Variants in POT1 observed in about 807,000 individuals in gnomAD.
The protein encoded by POT1 is protection of telomeres 1.
In POT1, 47 loss-of-function variants were observed where a neutral mutation model predicts 78.5. The observed-to-expected ratio is 0.60, with a 90% confidence interval of 0.47 to 0.76. The LOEUF is 0.76. Among genes scored for constraint, POT1 ranks in the 30% least tolerant of loss-of-function variants. The pLI is 0.00. For missense variants in POT1, 646 were observed against 749.9 expected (o/e 0.86, Z 1.62); for synonymous variants, 259 against 260.7 (o/e 0.99, Z 0.06).
At chr7:124,861,240 C>T (rs1026515174) in intron 8 of POT1, among the ~76,000 whole-genome samples, 1 of 152,178 alleles carries the variant, frequency 6.6e-6, no homozygotes, top group Non-Finnish European at 1.5e-5. Context: ...AAAAGCGCTC[C>T]TTTTTCTCCA....
intron 11 of POT1, among the ~76,000 whole-genome samples, chr7:124,847,571 T>C (rs1383544498): frequency 1.3e-5 from 2 of 152,170 alleles, no homozygotes; most frequent in Admixed American, 6.5e-5. Flanking sequence ...TATGTGGAAG[T>C]GCAGAAAATC....
intron 7 of POT1, among the ~76,000 whole-genome samples, chr7:124,866,869 G>A (rs1350165798): frequency 2.0e-5 from 3 of 152,140 alleles, no homozygotes; most frequent in Admixed American, 6.6e-5. Context: ...ACAGAAGTTC[G>A]CTCTGCAGAT....
At chr7:124,907,275 C>T (rs1280951887) in intron 3 of POT1, among the ~76,000 whole-genome samples, 1 of 152,096 alleles carries the variant, frequency 6.6e-6, no homozygotes, top group Non-Finnish European at 1.5e-5. Flanking sequence ...CATTGCCTTA[C>T]AAAGAGTGAG....
intron 10 of POT1, among the ~76,000 whole-genome samples, chr7:124,852,258 GA>G (rs1795329173): frequency 6.6e-6 from 1 of 152,044 alleles, no homozygotes; most frequent in South Asian, 2.1e-4. Context: ...AGCTAAATAT[GA>G]TATTAAAAAT....
At chr7:124,905,181 T>G (rs1796732613) in intron 3 of POT1, among the ~76,000 whole-genome samples, 1 of 152,132 alleles carries the variant, frequency 6.6e-6, no homozygotes, top group Admixed American at 6.5e-5. Flanking sequence ...AAGACAATCT[T>G]AAGCAAAAAG....
intron 2 of POT1, among the ~76,000 whole-genome samples, chr7:124,917,285 T>C (rs540157295): frequency 6.6e-6 from 1 of 152,228 alleles, no homozygotes; most frequent in East Asian, 1.9e-4. Context: ...GAGGAGATCT[T>C]ATTTGAGGCA....
chr7:124,904,340 C>T (rs1450576924), intron 3 of POT1, among the ~76,000 whole-genome samples: 3 of 152,158 alleles, frequency 2.0e-5, no homozygotes, highest in Non-Finnish European at 2.9e-5. Flanking sequence ...GCTGGTTCAA[C>T]ATACACAAAT....
chr7:124,831,617 G>A (rs912114670), intron 15 of POT1, among the ~76,000 whole-genome samples: 2 of 151,984 alleles, frequency 1.3e-5, no homozygotes, highest in African/African-American at 4.8e-5. Flanking sequence ...CTTCATTATG[G>A]TCTGTAAATG....
intron 7 of POT1, among the ~76,000 whole-genome samples, chr7:124,865,228 A>C (rs1158916291): frequency 2.0e-5 from 3 of 152,034 alleles, no homozygotes; most frequent in Non-Finnish European, 4.4e-5. Flanking sequence ...AGTTGATTTC[A>C]AGATTTTTCT....
At position 124,863,656 on chromosome 7, in the gene POT1, A is replaced by G. The variant is rs1393767375; in HGVS notation, c.256-16T>C. 1.3e-6 allele frequency: 2 copies of G among 1,583,208 alleles called. No individual in the cohort carries two copies. The highest frequency in any genetic ancestry group is 1.4e-5 in the African/African-American group (1 of 73,526). On this transcript the variant is annotated splice_polypyrimidine_tract_variant and intron_variant, in intron 7 of 18. Coordinates refer to ENST00000357628, the MANE Select transcript of POT1 (RefSeq NM_015450.3). Reference sequence around the variant, plus strand: ...ATACTTGAATCTAAGAAAGTAGGGCAAAGTAGAAAACAGATACAAATAAAA... The same window carrying G: ...ATACTTGAATCTAAGAAAGTAGGGCGAAGTAGAAAACAGATACAAATAAAA...
intron 2 of POT1, among the ~76,000 whole-genome samples, chr7:124,917,185 C>T (rs1797034158): frequency 6.6e-6 from 1 of 152,102 alleles, no homozygotes; most frequent in South Asian, 2.1e-4. Context: ...CAGGCTTCAT[C>T]AGAACAGAGA....
intron 14 of POT1, among the ~76,000 whole-genome samples, chr7:124,838,532 AAGAT>A (rs772795017): frequency 2.6e-5 from 4 of 152,304 alleles, no homozygotes; most frequent in East Asian, 1.9e-4. Context: ...TCTACATAGA[AAGAT>A]AGTCCATGTT....
At chr7:124,859,680 T>C (rs1481525185) in intron 8 of POT1, among the ~76,000 whole-genome samples, 3 of 151,210 alleles carry the variant, frequency 2.0e-5, no homozygotes, top group East Asian at 1.9e-4. Context: ...ACATACAAAT[T>C]ACCCACCAGC....
intron 6 of POT1, among the ~76,000 whole-genome samples, chr7:124,887,583 G>T (rs1796277097): frequency 1.3e-5 from 2 of 151,962 alleles, no homozygotes; most frequent in South Asian, 4.1e-4. Context: ...GAACATCTTT[G>T]TGTTTGCAAC....
At chr7:124,846,387 TAC>T (rs1795167572) in intron 12 of POT1, among the ~76,000 whole-genome samples, 1 of 152,164 alleles carries the variant, frequency 6.6e-6, no homozygotes, top group African/African-American at 2.4e-5. Context: ...TTAAAATTTT[TAC>T]AATAGCACAT....
At chr7:124,833,373 T>C (rs1198357463) in intron 15 of POT1, among the ~76,000 whole-genome samples, 2 of 152,202 alleles carry the variant, frequency 1.3e-5, no homozygotes, top group Non-Finnish European at 2.9e-5. Flanking sequence ...ATTTACACAT[T>C]ATGACAATGA....
Position 124,874,364 on chromosome 7 carries a change from T to C in POT1, c.125-3323A>G, listed in dbSNP as rs140019367. 2.3e-3 allele frequency among the ~76,000 whole-genome samples: 343 copies of C among 152,186 alleles called. 1 individual carries two copies. The highest frequency in any genetic ancestry group is 7.7e-3 in the African/African-American group (319 of 41,504). On this transcript the variant is annotated intron_variant, in intron 6 of 18. Coordinates refer to ENST00000357628, the MANE Select transcript of POT1 (RefSeq NM_015450.3). ...GTATTAGAGAAACAAACTACTTACATACAAAGCAAAGGAGAAAGGTATATA... is the reference window on the plus strand; with the variant it reads ...GTATTAGAGAAACAAACTACTTACACACAAAGCAAAGGAGAAAGGTATATA...
At chr7:124,842,620 C>T (rs998259583) in intron 13 of POT1, among the ~76,000 whole-genome samples, 187 bp downstream of exon 13, 4 of 151,964 alleles carry the variant, frequency 2.6e-5, no homozygotes, top group African/African-American at 9.7e-5. Flanking sequence ...ATAGCACCCA[C>T]TTTTATTACT....
intron 10 of POT1, among the ~76,000 whole-genome samples, chr7:124,852,684 C>T (rs992800328): frequency 2.0e-5 from 3 of 151,980 alleles, no homozygotes; most frequent in Non-Finnish European, 4.4e-5. Context: ...GGTCTAGTTT[C>T]CCCTGTTTGT....
Sources: allele counts gnomAD v4.1 joint callset (sites outside exome capture counted in the v4.1 genomes callset), GRCh38; gene constraint gnomAD v4.1.1; transcripts MANE v1.5; gene names NCBI Gene and HGNC (gene_info 2026-07-23, HGNC 2026-07-21).